RLBP1: variants seen among roughly 807,000 people sequenced by gnomAD.
The protein encoded by RLBP1 is retinaldehyde binding protein 1, also known as retinaldehyde-binding protein 1.
Under a neutral mutation model 36.2 loss-of-function variants are expected in RLBP1, and 26 were observed. The ratio of observed to expected loss-of-function variants is 0.72; its 90% CI spans 0.53 to 1.00. The LOEUF (loss-of-function observed/expected upper bound fraction) is 1.00. RLBP1 is among the 50% of genes least tolerant of loss of function. RLBP1 has a pLI of 0.00. For synonymous variants in RLBP1, 155 were observed against 156.2 expected (o/e 0.99, Z 0.06); for missense variants, 410 against 402.4 (o/e 1.02, Z -0.16).
chr15:89,217,390 G>T, intron 4 of RLBP1, 66 bp from the exon 5 acceptor site: 1 of 1,510,720 alleles, frequency 6.6e-7, no homozygotes, highest in Non-Finnish European at 9.1e-7. Flanking sequence ...ACACACAGGT[G>T]ATGAGTCTCC....
At position 89,217,334 on chromosome 15, in the gene RLBP1, G is replaced by A; in HGVS notation, c.142-10C>T. 1 of 1,602,846 alleles carries A rather than the reference G, an allele frequency of 6.2e-7. No individual in the cohort carries two copies. Among genetic ancestry groups the A allele is most frequent in the Non-Finnish European group, 8.5e-7 (1 of 1,179,840 alleles). On this transcript the variant is annotated splice_polypyrimidine_tract_variant and intron_variant, in intron 4 of 8. Transcript: ENST00000268125. Reference sequence around the variant, plus strand: ...TCAGCTCATCCTTGGCCTAGAACAGGGTGGGGTGTGCATGAAGTTAAACTT... The same window carrying A: ...TCAGCTCATCCTTGGCCTAGAACAGAGTGGGGTGTGCATGAAGTTAAACTT...
At position 89,209,961 on chromosome 15, in the gene RLBP1, T is replaced by C. The variant is rs2051522621; in HGVS notation, c.*324A>G. On this transcript the variant is annotated 3_prime_UTR_variant, in exon 9 of 9. Coordinates refer to ENST00000268125, the MANE Select transcript of RLBP1 (RefSeq NM_000326.5). The stretch of plus-strand genomic sequence containing the variant: ...CTTGCCTGTTTTCACAGACTCTAAG[T>C]CGTAAAACTCTGTTACAAAGGAAAT... 2.5e-6 allele frequency: 1 copy of C among 392,450 alleles called. No individual in the cohort carries two copies. The highest frequency in any genetic ancestry group is 3.8e-5 in the Admixed American group (1 of 26,122). The allele number at this position is 392,450 out of a possible 1,614,324, so 24.3% of individuals were successfully genotyped here. A position where few individuals can be genotyped will look rare whatever the true frequency, so the allele number is the denominator to read the frequency against.
In RLBP1 at chr15:89,210,753, G is replaced by A; in HGVS notation, c.741C>T (p.Phe247=). The change falls in exon 8 of 9, where the codon TTC becomes TTT. Residue 247 remains phenylalanine (F), a synonymous_variant. Coordinates refer to ENST00000268125, the MANE Select transcript of RLBP1 (RefSeq NM_000326.5). This position sits in a 1 kb window ranked among gnomAD's most constrained non-coding sequence, Gnocchi z 4.7. ...AIHFIHQPWY[F]TTTYNVVKPF... Reference sequence around the variant, plus strand: ...GCTTGACCACATTGTAGGTCGTGGTGAAGTACCATGGCTGGTGGATGAAGT... The same window carrying A: ...GCTTGACCACATTGTAGGTCGTGGTAAAGTACCATGGCTGGTGGATGAAGT... 1 of 1,603,292 alleles carries A rather than the reference G, an allele frequency of 6.2e-7. No homozygotes were observed.
rs1199830703 is a variant in RLBP1 at position 89,211,782 on chromosome 15, G to A, written c.645C>T (p.Leu215=). 2 of 1,614,096 alleles carry A rather than the reference G, an allele frequency of 1.2e-6. No homozygotes were observed. Among genetic ancestry groups the A allele is most frequent in the African/African-American group, 1.3e-5 (1 of 75,038 alleles). The change falls in exon 7 of 9, where the codon CTC becomes CTT. Residue 215 remains leucine (L), a synonymous_variant. Coordinates refer to ENST00000268125, the MANE Select transcript of RLBP1 (RefSeq NM_000326.5). The surrounding 1 kb of genome is among the most constrained non-coding windows in gnomAD (Gnocchi z 5.8). ...KGFTMQQAAS[L]RTSDLRKMVD... is the part of the protein sequence containing the mutation. Reference sequence around the variant, plus strand: ...CCATCTTCCTGAGATCTGAAGTCCGGAGACTAGCAGCCTGCTGCATGGTAA... The same window carrying A: ...CCATCTTCCTGAGATCTGAAGTCCGAAGACTAGCAGCCTGCTGCATGGTAA...
chr15:89,216,568 C>T (rs1252620733), intron 5 of RLBP1, among the ~76,000 whole-genome samples: 1 of 152,212 alleles, frequency 6.6e-6, no homozygotes, highest in Non-Finnish European at 1.5e-5. Flanking sequence ...ATGATCTGCC[C>T]GCCTTGGCCT....
chr15:89,211,357 A>G lies in RLBP1; in HGVS notation c.684+386T>C, dbSNP rs375285334. ...CTTTCTCGGGGTGAATCCACATTCA[A>G]AGAGAGGCAGTGCGACATATGTGGA... On this transcript the variant is annotated intron_variant, in intron 7 of 8. Transcript: ENST00000268125. This position sits in a 1 kb window ranked among gnomAD's most constrained non-coding sequence, Gnocchi z 5.8. Among the ~76,000 whole-genome samples the G allele has an allele frequency of 8.3e-4, 126 of 152,302 alleles. No homozygotes were observed. Among genetic ancestry groups the G allele is most frequent in the Non-Finnish European group, 7.9e-4 (54 of 68,024 alleles).
intron 5 of RLBP1, among the ~76,000 whole-genome samples, chr15:89,215,903 T>C (rs976561543): frequency 2.0e-5 from 3 of 152,220 alleles, no homozygotes; most frequent in Admixed American, 1.3e-4. Flanking sequence ...CCCTGGCTGC[T>C]CTTCCCCACA....
chr15:89,216,426 G>A (rs1372164087), intron 5 of RLBP1, among the ~76,000 whole-genome samples: 2 of 152,022 alleles, frequency 1.3e-5, no homozygotes, highest in South Asian at 2.1e-4. Context: ...GCGTTCAAGC[G>A]ATTCTCCTGC....
In RLBP1 at chr15:89,218,769, C is replaced by A; in HGVS notation, c.13-76G>T. 6.2e-7 allele frequency: 1 copy of A among 1,605,124 alleles called. No homozygotes were observed. Among genetic ancestry groups the A allele is most frequent in the South Asian group, 1.1e-5 (1 of 90,602 alleles). On this transcript the variant is annotated intron_variant, in intron 3 of 8. Transcript: ENST00000268125. The surrounding 1 kb of genome is among the most constrained non-coding windows in gnomAD (Gnocchi z 4.6). ...AGCCAGGGAAATGGGCCTGCTCAGA[C>A]CTTCAGTTCTTTTGCCCAAGGTCAT... is the stretch of plus-strand genomic sequence containing the variant.
intron 5 of RLBP1, among the ~76,000 whole-genome samples, chr15:89,215,649 C>A (rs1442875501): frequency 6.6e-6 from 1 of 152,130 alleles, no homozygotes; most frequent in African/African-American, 2.4e-5. Flanking sequence ...GAGAAGCTCC[C>A]AAGTAAAATC....
chr15:89,212,796 T>C (rs904598030), intron 6 of RLBP1, among the ~76,000 whole-genome samples: 3 of 151,782 alleles, frequency 2.0e-5, no homozygotes, highest in African/African-American at 7.3e-5. Context: ...TGGTGCGATC[T>C]TGGCTCACTG....
Position 89,212,262 on chromosome 15 carries a change from T to A in RLBP1, c.526-361A>T, listed in dbSNP as rs541952328. ...CAGGAAAATGTGCATGATATATTAT[T>A]GTAGAATATAATCCCATTATTGTAA... On this transcript the variant is annotated intron_variant, in intron 6 of 8. Transcript: ENST00000268125. 4.6e-5 allele frequency among the ~76,000 whole-genome samples: 7 copies of A among 152,274 alleles called. No individual in the cohort carries two copies. In the South Asian group the frequency reaches 1.5e-3, roughly 32 times the overall value.
rs753830559 is a variant in RLBP1, at chr15:89,217,155, T to C, written c.311A>G (p.Lys104Arg). The C allele has an allele frequency of 3.7e-6, 6 of 1,614,122 alleles. No individual in the cohort carries two copies. Among genetic ancestry groups the C allele is most frequent in the Non-Finnish European group, 5.1e-6 (6 of 1,180,026 alleles). The part of the protein sequence containing the change: ...GFFLRFIRAR[K>R]FNVGRAYELL... ...CTCATAGGCACGGCCCACGTTGAAC[T>C]TCCGTGCGCGGATGAAGCGCAGGAA... Residue 104 changes from lysine to arginine, a missense_variant, in exon 5 of 9, where the codon AAG (lysine) becomes AGG (arginine). Coordinates refer to ENST00000268125, the MANE Select transcript of RLBP1 (RefSeq NM_000326.5).
rs1260743175 is a variant in RLBP1, at chr15:89,210,262, A to G, written c.*23T>C. On this transcript the variant is annotated 3_prime_UTR_variant, in exon 9 of 9. Transcript: ENST00000268125. The surrounding 1 kb of genome is among the most constrained non-coding windows in gnomAD (Gnocchi z 4.7). ...GGAGAGGCCCAGAGATTCTAACTAC[A>G]GTTCAGCTGGCAGGAGATGTTTTCA... The G allele has an allele frequency of 1.9e-6, 3 of 1,613,256 alleles. No homozygotes were observed. Among genetic ancestry groups the G allele is most frequent in the Admixed American group, 1.7e-5 (1 of 60,010 alleles).
chr15:89,214,304 T>C lies in RLBP1; in HGVS notation c.525+756A>G, dbSNP rs2051561108. On this transcript the variant is annotated intron_variant, in intron 6 of 8. Transcript: ENST00000268125. This position sits in a 1 kb window ranked among gnomAD's most constrained non-coding sequence, Gnocchi z 4.6. ...GGTGAAACCCCGTCTCTACTAAAAA[T>C]ACAAACATTAGCTGGGCATGGTGGC... is the stretch of plus-strand genomic sequence containing the variant. Among the ~76,000 whole-genome samples, 1 of 152,014 alleles carries C rather than the reference T, an allele frequency of 6.6e-6. No homozygotes were observed. The highest frequency in any genetic ancestry group is 2.4e-5 in the African/African-American group (1 of 41,378).
Position 89,218,228 on chromosome 15 carries a change from A to C in RLBP1, c.141+337T>G, listed in dbSNP as rs1193492259. Among the ~76,000 whole-genome samples, 1 of 152,234 alleles carries C rather than the reference A, an allele frequency of 6.6e-6. No homozygotes were observed. Among genetic ancestry groups the C allele is most frequent in the Non-Finnish European group, 1.5e-5 (1 of 68,028 alleles). ...AAAGTAGGTCTGGTTCTGGAACTCA[A>C]GTCTCTTGCCTGTCTAGCAGGGGCA... On this transcript the variant is annotated intron_variant, in intron 4 of 8. Transcript: ENST00000268125. This position sits in a 1 kb window ranked among gnomAD's most constrained non-coding sequence, Gnocchi z 4.6.
At chr15:89,212,034 A>G in intron 6 of RLBP1, 133 bp from the exon 7 acceptor site, 3 of 909,364 alleles carry the variant, frequency 3.3e-6, no homozygotes, top group Non-Finnish European at 5.2e-6. Flanking sequence ...CGGACATTCC[A>G]CTTCTGTGAA....
Position 89,215,169 on chromosome 15 carries a change from G to C in RLBP1, c.416C>G (p.Thr139Ser), listed in dbSNP as rs150621479. Reference protein sequence around the residue: ...DSLSPEAVRCTIEAGYPGVLS... With the variant: ...DSLSPEAVRCSIEAGYPGVLS... ...GACACCAGGGTAGCCAGCTTCAATG[G>C]TGCAGCGGACAGCCTCTGGGGACAG... The change falls in exon 6 of 9, where the codon ACC (threonine) becomes AGC (serine). Residue 139 changes from threonine (T) to serine (S), a missense_variant. Thr to Ser is a moderately conservative substitution (Grantham distance 58, BLOSUM62 1). Coordinates refer to ENST00000268125, the MANE Select transcript of RLBP1 (RefSeq NM_000326.5). 1 of 1,614,190 alleles carries C rather than the reference G, an allele frequency of 6.2e-7. No homozygotes were observed. Among genetic ancestry groups the C allele is most frequent in the Non-Finnish European group, 8.5e-7 (1 of 1,180,018 alleles).
At position 89,217,044 on chromosome 15, in the gene RLBP1, G is replaced by C. The variant is rs188218427; in HGVS notation, c.346+76C>G. 15 of 1,478,896 alleles carry C rather than the reference G, an allele frequency of 1.0e-5. No homozygotes were observed. In the Admixed American group the frequency reaches 1.6e-4, roughly 15 times the overall value. 91.6% of individuals were successfully genotyped at this position (1,478,896 alleles called of 1,614,324 possible). On this transcript the variant is annotated intron_variant, in intron 5 of 8. Coordinates refer to ENST00000268125, the MANE Select transcript of RLBP1 (RefSeq NM_000326.5). ...CACAGTATGGAAGCAGGCCTGTTCA[G>C]TGCCAGGATGAGAGCGGATAGCATC...
Sources: gnomAD v4.1 joint callset for allele counts (sites outside exome capture counted in the v4.1 genomes callset) on GRCh38, gnomAD v4.1.1 for gene constraint, Gnocchi (gnomAD v3.1) non-coding constraint, MANE v1.5 for transcripts, NCBI Gene and HGNC (gene_info 2026-07-23, HGNC 2026-07-21) for gene names.